Variants in KIAA1328 observed in about 807,000 individuals in gnomAD.
KIAA1328 encodes protein hinderin.
Under a neutral mutation model 68.1 loss-of-function variants are expected in KIAA1328, and 52 were observed. The observed-to-expected ratio is 0.76, with a 90% CI of 0.61 to 0.96. The LOEUF is 0.96. Ranked by LOEUF, KIAA1328 falls within the 40% of genes least tolerant of loss-of-function variation. The pLI is 0.00. For missense variants in KIAA1328, 641 were observed against 677.6 expected, an observed-to-expected ratio of 0.95 and a Z score of 0.60; for synonymous variants, 232 against 239.4, an observed-to-expected ratio of 0.97 and a Z score of 0.28.
intron 7 of KIAA1328, among the ~76,000 whole-genome samples, chr18:37,137,850 G>A (rs1306859577): frequency 3.3e-5 from 5 of 152,044 alleles, no homozygotes; most frequent in Non-Finnish European, 7.4e-5. Flanking sequence ...TCAGGTCCCA[G>A]CTTTTCCCTC....
chr18:36,843,982 T>C (rs2046944008), intron 3 of KIAA1328, among the ~76,000 whole-genome samples: 1 of 152,172 alleles, frequency 6.6e-6, no homozygotes, highest in African/African-American at 2.4e-5. Flanking sequence ...AGGGGATATC[T>C]GCTTTTACTT....
chr18:36,914,190 A>G (rs1226107803), intron 5 of KIAA1328, among the ~76,000 whole-genome samples: 1 of 152,196 alleles, frequency 6.6e-6, no homozygotes, highest in Non-Finnish European at 1.5e-5. Context: ...GATGGAGTGA[A>G]GAAATGCAAG....
intron 6 of KIAA1328, among the ~76,000 whole-genome samples, chr18:36,985,851 G>A (rs1032193865): frequency 2.6e-5 from 4 of 152,060 alleles, no homozygotes; most frequent in African/African-American, 9.7e-5. Flanking sequence ...GAACCATTGA[G>A]AAAAGCACAT....
intron 5 of KIAA1328, among the ~76,000 whole-genome samples, chr18:36,956,545 G>GGGGC (rs2051426462): frequency 6.8e-6 from 1 of 147,056 alleles, no homozygotes; most frequent in African/African-American, 2.5e-5. Flanking sequence ...GAAGGAAGTG[G>GGGGC]GGGGGGGGTG....
intron 6 of KIAA1328, among the ~76,000 whole-genome samples, chr18:37,048,684 G>T (rs959310802): frequency 2.0e-5 from 3 of 152,134 alleles, no homozygotes; most frequent in South Asian, 2.1e-4. Context: ...AAGCCATAAA[G>T]ATCCCTATTT....
At chr18:37,191,578 T>C (rs746498164) in intron 9 of KIAA1328, among the ~76,000 whole-genome samples, 7 of 152,232 alleles carry the variant, frequency 4.6e-5, no homozygotes, top group Non-Finnish European at 1.0e-4. Flanking sequence ...TCTTCCATTT[T>C]TCATTGAACA....
intron 6 of KIAA1328, among the ~76,000 whole-genome samples, chr18:37,049,902 T>C (rs2151659042): frequency 6.6e-6 from 1 of 152,330 alleles, no homozygotes; most frequent in East Asian, 1.9e-4. Flanking sequence ...TACGTACTTT[T>C]TCCTTAACCA....
chr18:37,038,717 A>T (rs1448291774), intron 6 of KIAA1328, among the ~76,000 whole-genome samples: 1 of 152,138 alleles, frequency 6.6e-6, no homozygotes, highest in Admixed American at 6.6e-5. Flanking sequence ...TATTGCACTG[A>T]ATAGAACTTT....
At position 36,944,391 on chromosome 18, in the gene KIAA1328, A is replaced by G. The variant is rs138113975; in HGVS notation, c.449-14917A>G. Among the ~76,000 whole-genome samples, 44 of 152,228 alleles carry G rather than the reference A, an allele frequency of 2.9e-4. No individual in the cohort carries two copies. In the East Asian group the frequency reaches 8.5e-3, roughly 30 times the overall value. On this transcript the variant is annotated intron_variant, in intron 5 of 9. Coordinates refer to ENST00000280020, the MANE Select transcript of KIAA1328 (RefSeq NM_020776.3). ...CAGGAGATCGAGACCATCCTGGCTA[A>G]CACGGTGAAACCCCATCTCTACTAA...
intron 5 of KIAA1328, among the ~76,000 whole-genome samples, chr18:36,933,683 A>G (rs534035501): frequency 2.6e-5 from 4 of 152,206 alleles, no homozygotes; most frequent in Non-Finnish European, 5.9e-5. Context: ...GTTCTAGGGG[A>G]TCCAGGGTGC....
rs1363004679 is a variant in KIAA1328 at position 37,008,358 on chromosome 18, G to A, written c.576+48923G>A. On this transcript the variant is annotated intron_variant, in intron 6 of 9. Coordinates refer to ENST00000280020, the MANE Select transcript of KIAA1328 (RefSeq NM_020776.3). Reference sequence around the variant, plus strand: ...CAAATTAGAACCACTGCTCAGAGGTGAGAAAGAACTCGTGGTGTAAACCAA... The same window carrying A: ...CAAATTAGAACCACTGCTCAGAGGTAAGAAAGAACTCGTGGTGTAAACCAA... Among the ~76,000 whole-genome samples, 8 of 152,328 alleles carry A rather than the reference G, an allele frequency of 5.3e-5. No individual in the cohort carries two copies. In the South Asian group the frequency reaches 1.7e-3, roughly 32 times the overall value.
At chr18:36,868,819 G>C (rs1331700166) in intron 4 of KIAA1328, among the ~76,000 whole-genome samples, 2 of 152,112 alleles carry the variant, frequency 1.3e-5, no homozygotes, top group African/African-American at 4.8e-5. Flanking sequence ...ATTTTTCCCA[G>C]AGGACAGTTT....
At chr18:37,177,057 T>C (rs1230128948) in intron 9 of KIAA1328, among the ~76,000 whole-genome samples, 1 of 152,222 alleles carries the variant, frequency 6.6e-6, no homozygotes, top group East Asian at 1.9e-4. Flanking sequence ...ACTTGATGTA[T>C]GCCAATTTAA....
chr18:36,954,158 G>A (rs948634817), intron 5 of KIAA1328, among the ~76,000 whole-genome samples: 78 of 151,642 alleles, frequency 5.1e-4, no homozygotes, highest in African/African-American at 1.8e-3. Context: ...GCCTGCCACC[G>A]CGCCCGGCTA....
intron 5 of KIAA1328, among the ~76,000 whole-genome samples, chr18:36,910,637 TA>T (rs2049406215): frequency 6.6e-6 from 1 of 152,178 alleles, no homozygotes; most frequent in Non-Finnish European, 1.5e-5. Flanking sequence ...AACTTTAAAG[TA>T]GTTTTTTCTA....
intron 9 of KIAA1328, among the ~76,000 whole-genome samples, chr18:37,191,172 G>A (rs2059897632): frequency 6.6e-6 from 1 of 152,112 alleles, no homozygotes; most frequent in Non-Finnish European, 1.5e-5. Flanking sequence ...AATTTTCTTA[G>A]CATCAGTAAA....
At chr18:37,005,828 C>T (rs996381758) in intron 6 of KIAA1328, among the ~76,000 whole-genome samples, 1 of 151,986 alleles carries the variant, frequency 6.6e-6, no homozygotes, top group Non-Finnish European at 1.5e-5. Context: ...AAGTCATTAT[C>T]TTAAGTGAAA....
Position 36,902,824 on chromosome 18 carries a change from G to A in KIAA1328, c.448+17152G>A, listed in dbSNP as rs181163429. The stretch of plus-strand genomic sequence containing the variant: ...TCTACAAGGCTGTGGGGACTCTTTG[G>A]CATCCTCTGTGTTGCATCTTTTCAC... On this transcript the variant is annotated intron_variant, in intron 5 of 9. Coordinates refer to ENST00000280020, the MANE Select transcript of KIAA1328 (RefSeq NM_020776.3). Among the ~76,000 whole-genome samples the A allele has an allele frequency of 5.4e-4, 82 of 152,048 alleles. 1 individual carries two copies. Among genetic ancestry groups the A allele is most frequent in the African/African-American group, 1.9e-3 (79 of 41,512 alleles).
chr18:37,187,114 AG>A (rs1420610210), intron 9 of KIAA1328, among the ~76,000 whole-genome samples: 3 of 151,896 alleles, frequency 2.0e-5, no homozygotes, highest in African/African-American at 7.3e-5. Context: ...CAGTGAGCTG[AG>A]ATCATACCAC....
Sources: gnomAD v4.1 joint callset for allele counts (sites outside exome capture counted in the v4.1 genomes callset) on GRCh38, gnomAD v4.1.1 for gene constraint, MANE v1.5 for transcripts, NCBI Gene and HGNC (gene_info 2026-07-23, HGNC 2026-07-21) for gene names.